The following MCTP1 variants were observed in gnomAD, a reference collection of about 807,000 sequenced individuals.
The protein encoded by MCTP1 is multiple C2 and transmembrane domain containing 1.
In MCTP1, 69 loss-of-function variants were observed where a neutral mutation model predicts 120.6. The ratio of observed to expected loss-of-function variants is 0.57; its 90% CI spans 0.47 to 0.70. MCTP1 has a LOEUF of 0.70. Among genes scored for constraint, MCTP1 ranks in the 30% least tolerant of loss-of-function variants. MCTP1 has a pLI of 0.00. For missense variants in MCTP1, 1,203 were observed against 1,248.8 expected (o/e 0.96, Z 0.55); for synonymous variants, 529 against 493.1 (o/e 1.07, Z -0.96).
intron 1 of MCTP1, among the ~76,000 whole-genome samples, chr5:95,115,599 A>G (rs1027455788): frequency 2.0e-5 from 3 of 152,224 alleles, no homozygotes; most frequent in Admixed American, 1.3e-4. Flanking sequence ...ACAAAAGAAA[A>G]AAGAATAAAA....
At chr5:95,186,514 G>A (rs1219901299) in intron 1 of MCTP1, among the ~76,000 whole-genome samples, 1 of 152,042 alleles carries the variant, frequency 6.6e-6, no homozygotes, top group African/African-American at 2.4e-5. Flanking sequence ...TGAAATAAAA[G>A]AAAGATAGAA....
chr5:94,801,652 C>T (rs1781261586), intron 17 of MCTP1, among the ~76,000 whole-genome samples: 2 of 152,134 alleles, frequency 1.3e-5, no homozygotes, highest in South Asian at 2.1e-4. Flanking sequence ...TCTTTTTAAC[C>T]TATTAAGCAG....
chr5:95,143,886 T>A (rs964659118), intron 1 of MCTP1, among the ~76,000 whole-genome samples: 1 of 152,200 alleles, frequency 6.6e-6, no homozygotes, highest in Non-Finnish European at 1.5e-5. Context: ...GTATCTTTTA[T>A]GTAGAAAATT....
At chr5:95,219,533 T>G (rs1269795352) in intron 1 of MCTP1, among the ~76,000 whole-genome samples, 1 of 152,178 alleles carries the variant, frequency 6.6e-6, no homozygotes, top group East Asian at 1.9e-4. Context: ...TTTGGCAAGC[T>G]GCATTCTAAT....
chr5:94,707,983 AAAAC>A (rs1015231804), intron 22 of MCTP1, among the ~76,000 whole-genome samples: 9 of 151,760 alleles, frequency 5.9e-5, no homozygotes, highest in Admixed American at 1.3e-4. Context: ...TAAAAAAAAA[AAAAC>A]AAACTTCTTT....
intron 17 of MCTP1, among the ~76,000 whole-genome samples, chr5:94,816,680 G>T (rs1036854702): frequency 6.6e-6 from 1 of 151,790 alleles, no homozygotes; most frequent in Admixed American, 6.6e-5. Flanking sequence ...TGAGTTTAGG[G>T]TAAGGCAAAC....
chr5:95,178,317 C>T (rs1202115801), intron 1 of MCTP1, among the ~76,000 whole-genome samples: 2 of 152,200 alleles, frequency 1.3e-5, no homozygotes, highest in East Asian at 1.9e-4. Context: ...TATAACCCCA[C>T]CCACTGCCTG....
chr5:94,883,688 C>T (rs763600401), intron 12 of MCTP1, among the ~76,000 whole-genome samples: 10 of 152,242 alleles, frequency 6.6e-5, no homozygotes, highest in Non-Finnish European at 1.0e-4. Context: ...ATTTATCAGA[C>T]ATCGTTGATT....
intron 1 of MCTP1, among the ~76,000 whole-genome samples, chr5:95,071,467 C>G (rs112726200): frequency 0.047 from 7,084 of 152,324 alleles, 206 homozygotes; most frequent in Middle Eastern, 0.075. Flanking sequence ...CAGAGGACTT[C>G]TCTGAGCCTA....
chr5:95,053,313 A>G (rs943099944), intron 1 of MCTP1, among the ~76,000 whole-genome samples: 2 of 152,220 alleles, frequency 1.3e-5, no homozygotes, highest in Admixed American at 1.3e-4. Flanking sequence ...TCCAAAGTAG[A>G]CATAACTCAA....
At chr5:94,827,375 G>T (rs1443650211) in intron 17 of MCTP1, among the ~76,000 whole-genome samples, 1 of 152,138 alleles carries the variant, frequency 6.6e-6, no homozygotes, top group Admixed American at 6.5e-5. Context: ...TGGGTAACCC[G>T]ATCTTTCTCT....
intron 1 of MCTP1, among the ~76,000 whole-genome samples, chr5:95,052,962 G>A (rs1235150751): frequency 2.0e-5 from 3 of 152,130 alleles, no homozygotes; most frequent in African/African-American, 7.2e-5. Context: ...ACAGGGAAAA[G>A]CACTTTATAC....
chr5:95,175,273 T>C (rs369820756), intron 1 of MCTP1, among the ~76,000 whole-genome samples: 1 of 152,338 alleles, frequency 6.6e-6, no homozygotes, highest in East Asian at 1.9e-4. Context: ...CGCTTCATTA[T>C]TGTCAGATGA....
chr5:94,899,344 C>T (rs967062963), intron 10 of MCTP1, among the ~76,000 whole-genome samples: 2 of 152,218 alleles, frequency 1.3e-5, no homozygotes, highest in Non-Finnish European at 2.9e-5. Context: ...CTATGCCTCC[C>T]CAAAGGGCTG....
intron 1 of MCTP1, among the ~76,000 whole-genome samples, chr5:95,024,675 A>ACACACC (rs757136964): frequency 1.3e-5 from 2 of 151,708 alleles, no homozygotes; most frequent in Non-Finnish European, 2.9e-5. Flanking sequence ...ACACACACAC[A>ACACACC]CACCCCTAAA....
At chr5:95,144,895 T>C (rs1443509524) in intron 1 of MCTP1, among the ~76,000 whole-genome samples, 1 of 152,190 alleles carries the variant, frequency 6.6e-6, no homozygotes, top group African/African-American at 2.4e-5. Context: ...TTTGGTTCCA[T>C]ATGAATTTTG....
intron 10 of MCTP1, among the ~76,000 whole-genome samples, chr5:94,899,052 G>C (rs1804819149): frequency 6.6e-6 from 1 of 152,204 alleles, no homozygotes; most frequent in Non-Finnish European, 1.5e-5. Flanking sequence ...AAAAAAACTT[G>C]AATGTTGGTG....
intron 1 of MCTP1, among the ~76,000 whole-genome samples, chr5:95,282,490 T>C (rs1447355376): frequency 2.0e-5 from 3 of 152,200 alleles, no homozygotes; most frequent in African/African-American, 7.2e-5. Context: ...CAAAAATAAA[T>C]ACTTCCTTTA....
At chr5:94,715,687 C>G (rs1003487051) in intron 19 of MCTP1, among the ~76,000 whole-genome samples, 2 of 152,084 alleles carry the variant, frequency 1.3e-5, no homozygotes, top group Non-Finnish European at 2.9e-5. Flanking sequence ...ATTTTAGACC[C>G]AAAGGAAGAA....
Sources: allele counts gnomAD v4.1 joint callset (sites outside exome capture counted in the v4.1 genomes callset), GRCh38; gene constraint gnomAD v4.1.1; transcripts MANE v1.5; gene names NCBI Gene and HGNC (gene_info 2026-07-23, HGNC 2026-07-21).